SPAG16: variants seen among roughly 807,000 people sequenced by gnomAD.
The protein encoded by SPAG16 is sperm-associated antigen 16 protein.
In SPAG16, 86 loss-of-function variants were observed where a neutral mutation model predicts 80.4. The observed-to-expected ratio is 1.07, with a 90% CI of 0.90 to 1.28. The LOEUF (loss-of-function observed/expected upper bound fraction) is 1.28. Ranked by LOEUF, SPAG16 falls within the 50% of genes most tolerant of loss-of-function variation. The probability of loss-of-function intolerance (pLI) is 0.00; values close to 1 mark genes in which losing one functional copy is unlikely to be tolerated. For synonymous variants in SPAG16, 294 were observed against 265.9 expected (o/e 1.11, Z -1.03); for missense variants, 870 against 765.3 (o/e 1.14, Z -1.61).
At chr2:213,370,570 A>G (rs2066576844) in intron 8 of SPAG16, among the ~76,000 whole-genome samples, 1 of 151,940 alleles carries the variant, frequency 6.6e-6, no homozygotes, top group Non-Finnish European at 1.5e-5. Context: ...AGTCTGAAAA[A>G]GAATATATGT....
chr2:213,484,837 T>A lies in SPAG16; in HGVS notation c.943-5126T>A, dbSNP rs1438416660. 2.0e-5 allele frequency among the ~76,000 whole-genome samples: 3 copies of A among 152,166 alleles called. No homozygotes were observed. In the East Asian group the frequency reaches 5.8e-4, roughly 29 times the overall value. On this transcript the variant is annotated intron_variant, in intron 9 of 15. Transcript: ENST00000331683. The stretch of plus-strand genomic sequence containing the variant: ...CTTCTTCAGAAGTTTATCAGCAGAC[T>A]TTCTGAGTCCATGGACTATCTATAC...
chr2:213,722,940 G>T (rs900274535), intron 10 of SPAG16, among the ~76,000 whole-genome samples: 4 of 152,078 alleles, frequency 2.6e-5, no homozygotes. Flanking sequence ...ACTTATGGGG[G>T]TTCTGGCCTC....
intron 10 of SPAG16, among the ~76,000 whole-genome samples, chr2:213,796,051 T>C (rs1271548875): frequency 6.6e-6 from 1 of 152,184 alleles, no homozygotes; most frequent in Non-Finnish European, 1.5e-5. Context: ...TTTTGGAGGA[T>C]ACGATATATC....
intron 10 of SPAG16, among the ~76,000 whole-genome samples, chr2:213,842,763 C>T (rs1325915856): frequency 6.6e-6 from 1 of 151,978 alleles, no homozygotes; most frequent in Non-Finnish European, 1.5e-5. Context: ...GTTTTAGGTG[C>T]TATTATTATT....
intron 10 of SPAG16, among the ~76,000 whole-genome samples, chr2:213,687,399 A>T (rs924627973): frequency 6.6e-6 from 1 of 152,176 alleles, no homozygotes; most frequent in African/African-American, 2.4e-5. Context: ...TTTTTACATG[A>T]TTATCATTTT....
chr2:213,897,612 C>T (rs1382991915), intron 11 of SPAG16, among the ~76,000 whole-genome samples: 2 of 92,658 alleles, frequency 2.2e-5, no homozygotes, highest in African/African-American at 2.9e-5. Context: ...CCTCATCTGC[C>T]TATATTGGTC....
At chr2:213,900,712 G>A (rs1477614271) in intron 11 of SPAG16, among the ~76,000 whole-genome samples, 1 of 151,984 alleles carries the variant, frequency 6.6e-6, no homozygotes, top group Non-Finnish European at 1.5e-5. Flanking sequence ...ATTTCTGAAT[G>A]TAATGTCCAC....
chr2:213,761,934 A>T (rs970747897), intron 10 of SPAG16, among the ~76,000 whole-genome samples: 3 of 152,126 alleles, frequency 2.0e-5, no homozygotes, highest in African/African-American at 7.2e-5. Context: ...TCTTACGAAT[A>T]TTGAGGCAAA....
chr2:213,607,213 A>C (rs1410351177), intron 10 of SPAG16, among the ~76,000 whole-genome samples: 1 of 152,228 alleles, frequency 6.6e-6, no homozygotes, highest in Non-Finnish European at 1.5e-5. Flanking sequence ...ATTTCACAAA[A>C]GCATAATCAA....
intron 13 of SPAG16, among the ~76,000 whole-genome samples, chr2:214,104,619 C>T (rs993829542): frequency 2.0e-5 from 3 of 151,928 alleles, no homozygotes; most frequent in Non-Finnish European, 2.9e-5. Context: ...TTTTGGTTGC[C>T]TTGGTTTGTT....
intron 10 of SPAG16, among the ~76,000 whole-genome samples, chr2:213,627,414 C>G (rs1372712004): frequency 3.9e-5 from 6 of 152,180 alleles, no homozygotes; most frequent in Non-Finnish European, 7.4e-5. Context: ...TCTTGGCTAT[C>G]AGGTCTTTCT....
intron 15 of SPAG16, among the ~76,000 whole-genome samples, chr2:214,374,979 G>A (rs569480199): frequency 1.0e-3 from 154 of 152,184 alleles, no homozygotes; most frequent in Non-Finnish European, 1.8e-3. Context: ...AAAGATCACC[G>A]TGCTTTCAGA....
intron 10 of SPAG16, among the ~76,000 whole-genome samples, chr2:213,576,076 A>G (rs1232307837): frequency 6.6e-6 from 1 of 152,160 alleles, no homozygotes; most frequent in African/African-American, 2.4e-5. Context: ...TAAGTCTTTA[A>G]TCCATCATGA....
chr2:214,066,332 G>A (rs1459610805), intron 13 of SPAG16, among the ~76,000 whole-genome samples: 1 of 152,106 alleles, frequency 6.6e-6, no homozygotes, highest in African/African-American at 2.4e-5. Context: ...TTTCTAAAAT[G>A]CTGTAGCTCT....
intron 12 of SPAG16, among the ~76,000 whole-genome samples, chr2:213,968,483 G>A (rs552913069): frequency 3.3e-5 from 5 of 152,268 alleles, no homozygotes; most frequent in African/African-American, 9.6e-5. Flanking sequence ...GTGAGCCACC[G>A]TGCCCGGCCT....
chr2:214,306,949 A>T (rs1694960266), intron 15 of SPAG16, among the ~76,000 whole-genome samples: 1 of 152,146 alleles, frequency 6.6e-6, no homozygotes, highest in South Asian at 2.1e-4. Context: ...GAGTGGTTTC[A>T]GTAGGAATGG....
At chr2:213,913,793 G>T (rs2077818457) in intron 11 of SPAG16, among the ~76,000 whole-genome samples, 1 of 152,140 alleles carries the variant, frequency 6.6e-6, no homozygotes, top group African/African-American at 2.4e-5. Context: ...TGTGGGGACT[G>T]TTAAGTCCAA....
Position 214,268,902 on chromosome 2 carries a change from G to T in SPAG16, c.1720+119636G>T, listed in dbSNP as rs537503241. Among the ~76,000 whole-genome samples, 164 of 152,004 alleles carry T rather than the reference G, an allele frequency of 1.1e-3. 1 individual carries two copies. The highest frequency in any genetic ancestry group is 3.8e-3 in the African/African-American group (159 of 41,530). ...CTATGCTATTCGGCAGTAATTTTTT[G>T]AAAGTCAGAGATGGCTGCATGTAAA... On this transcript the variant is annotated intron_variant, in intron 15 of 15. Transcript: ENST00000331683.
At chr2:214,314,805 G>A (rs971943253) in intron 15 of SPAG16, among the ~76,000 whole-genome samples, 39 of 152,066 alleles carry the variant, frequency 2.6e-4, no homozygotes, top group Middle Eastern at 3.2e-3. Context: ...ATAGTTGGGC[G>A]AAAGGTACTA....
Sources: gnomAD v4.1 joint callset for allele counts (sites outside exome capture counted in the v4.1 genomes callset) on GRCh38, gnomAD v4.1.1 for gene constraint, MANE v1.5 for transcripts, NCBI Gene and HGNC (gene_info 2026-07-23, HGNC 2026-07-21) for gene names.